The following MYO3B variants were observed in gnomAD, a reference collection of about 807,000 sequenced individuals.
MYO3B encodes the protein myosin-IIIb.
In MYO3B, 156 loss-of-function variants were observed where a neutral mutation model predicts 174.6. That is an observed-to-expected ratio of 0.89 (90% CI 0.78 to 1.02). The LOEUF (loss-of-function observed/expected upper bound fraction) is 1.02, where lower values mean the gene tolerates loss of function less well. Among genes scored for constraint, MYO3B ranks in the 50% least tolerant of loss-of-function variants. MYO3B has a pLI of 0.00. For missense variants in MYO3B, 1,632 were observed against 1,639.4 expected (o/e 1.00, Z 0.08); for synonymous variants, 563 against 569.1 (o/e 0.99, Z 0.15).
chr2:170,558,761 C>G (rs1429668761), intron 32 of MYO3B, among the ~76,000 whole-genome samples: 1 of 152,172 alleles, frequency 6.6e-6, no homozygotes, highest in Non-Finnish European at 1.5e-5. Flanking sequence ...ATACCCTTGG[C>G]AGGGTGGCAA....
intron 7 of MYO3B, among the ~76,000 whole-genome samples, chr2:170,293,070 A>G (rs1467123730): frequency 6.6e-6 from 1 of 151,892 alleles, no homozygotes; most frequent in African/African-American, 2.4e-5. Context: ...TGGAAGTCCA[A>G]CTCTTTCACT....
Position 170,381,998 on chromosome 2 carries a change from C to T in MYO3B, c.972-18C>T, listed in dbSNP as rs777200512. On this transcript the variant is annotated intron_variant, in intron 9 of 34. Coordinates refer to ENST00000408978, the MANE Select transcript of MYO3B (RefSeq NM_138995.5). ...TATTTGCTGTCTTAATGCTTAAACT[C>T]TCTTGATAAATTTCTAGGCATGAGA... 3.1e-6 allele frequency: 5 copies of T among 1,604,656 alleles called. No individual in the cohort carries two copies. Among genetic ancestry groups the T allele is most frequent in the Admixed American group, 3.3e-5 (2 of 59,912 alleles).
chr2:170,214,909 G>A, intron 5 of MYO3B, 81 bp downstream of exon 5: 1 of 1,044,406 alleles, frequency 9.6e-7, no homozygotes, highest in Non-Finnish European at 1.5e-6. Flanking sequence ...CAGAAGACTG[G>A]GGCTTCTCTG....
intron 7 of MYO3B, among the ~76,000 whole-genome samples, chr2:170,242,084 T>G (rs1228426761): frequency 6.6e-6 from 1 of 152,182 alleles, no homozygotes; most frequent in African/African-American, 2.4e-5. Context: ...GAGTGTTTAA[T>G]GGCACAGTGA....
intron 7 of MYO3B, among the ~76,000 whole-genome samples, chr2:170,286,356 A>G (rs1184302845): frequency 6.6e-6 from 1 of 152,170 alleles, no homozygotes; most frequent in Admixed American, 6.5e-5. Context: ...AATATATGTC[A>G]ATAATTCTAC....
intron 32 of MYO3B, among the ~76,000 whole-genome samples, chr2:170,554,007 C>T (rs1691110038): frequency 6.6e-6 from 1 of 152,162 alleles, no homozygotes; most frequent in Admixed American, 6.5e-5. Context: ...AATCATGCCT[C>T]CTGTACAGAT....
chr2:170,506,231 T>C (rs182252544), intron 28 of MYO3B, among the ~76,000 whole-genome samples: 1 of 152,342 alleles, frequency 6.6e-6, no homozygotes, highest in African/African-American at 2.4e-5. Context: ...AAAGCAAACA[T>C]CGTATCCAGA....
At chr2:170,405,783 A>C in intron 21 of MYO3B, 150 bp downstream of exon 21, 2 of 717,314 alleles carry the variant, frequency 2.8e-6, no homozygotes, top group South Asian at 4.5e-5. Flanking sequence ...AAAGTTTCTC[A>C]GTGGTGCCAC....
chr2:170,569,313 C>G (rs1428742260), intron 32 of MYO3B, among the ~76,000 whole-genome samples: 1 of 152,058 alleles, frequency 6.6e-6, no homozygotes, highest in Admixed American at 6.6e-5. Flanking sequence ...AAGTCTACTT[C>G]CAGCAATACT....
intron 32 of MYO3B, among the ~76,000 whole-genome samples, chr2:170,618,971 A>G (rs1470378691): frequency 6.6e-6 from 1 of 152,214 alleles, no homozygotes; most frequent in African/African-American, 2.4e-5. Flanking sequence ...GATTAGCAAG[A>G]TATTAATCAG....
intron 7 of MYO3B, among the ~76,000 whole-genome samples, chr2:170,304,757 G>A (rs997620683): frequency 1.3e-5 from 2 of 151,920 alleles, no homozygotes; most frequent in Admixed American, 1.3e-4. Flanking sequence ...ATGAGCCATC[G>A]CATCCGGCCC....
chr2:170,508,728 G>C (rs565561362), intron 28 of MYO3B, among the ~76,000 whole-genome samples: 143 of 152,288 alleles, frequency 9.4e-4, no homozygotes, highest in African/African-American at 3.3e-3. Flanking sequence ...GGAAAGAGTT[G>C]AAATACTGTC....
chr2:170,518,726 A>G (rs940559854), intron 29 of MYO3B, among the ~76,000 whole-genome samples: 12 of 152,166 alleles, frequency 7.9e-5, no homozygotes, highest in African/African-American at 2.7e-4. Flanking sequence ...TGATTCACTA[A>G]GTCCGAAGTT....
At chr2:170,385,880 A>T in intron 12 of MYO3B, 1 of 181,056 alleles carries the variant, frequency 5.5e-6, no homozygotes, top group Non-Finnish European at 1.2e-5. Flanking sequence ...TCTCCTGCAG[A>T]TGAACCTGCA....
intron 32 of MYO3B, among the ~76,000 whole-genome samples, chr2:170,583,393 G>A (rs190652672): frequency 4.5e-4 from 68 of 152,120 alleles, no homozygotes; most frequent in East Asian, 1.9e-3. Flanking sequence ...TGCCTCCACC[G>A]TTCCCTTGGC....
chr2:170,653,617 T>A lies in MYO3B; in HGVS notation c.*496T>A. 1 of 156,738 alleles carries A rather than the reference T, an allele frequency of 6.4e-6. No homozygotes were observed. Among genetic ancestry groups the A allele is most frequent in the South Asian group, 1.9e-4 (1 of 5,154 alleles). The allele number at this position is 156,738 out of a possible 1,614,324, so 9.7% of individuals were successfully genotyped here. A position where few individuals can be genotyped will look rare whatever the true frequency, so the allele number is the denominator to read the frequency against. ...CTCCCACCTCCCCCAGAGTCAGGGC[T>A]CCATTGCTGAGTGCCCCATCCTGGA... On this transcript the variant is annotated 3_prime_UTR_variant, in exon 35 of 35. Coordinates refer to ENST00000408978, the MANE Select transcript of MYO3B (RefSeq NM_138995.5).
At chr2:170,279,704 G>A (rs915625618) in intron 7 of MYO3B, among the ~76,000 whole-genome samples, 9 of 152,004 alleles carry the variant, frequency 5.9e-5, no homozygotes, top group Non-Finnish European at 1.0e-4. Flanking sequence ...CTTTATAAGC[G>A]AGAACATGCA....
chr2:170,386,918 G>A (rs967864878), intron 13 of MYO3B, among the ~76,000 whole-genome samples, 188 bp from the exon 14 acceptor site: 11 of 152,234 alleles, frequency 7.2e-5, no homozygotes, highest in African/African-American at 1.7e-4. Flanking sequence ...AGCCAAATCC[G>A]ATTCATATGC....
At chr2:170,480,293 T>G (rs946779816) in intron 25 of MYO3B, among the ~76,000 whole-genome samples, 1 of 152,096 alleles carries the variant, frequency 6.6e-6, no homozygotes, top group African/African-American at 2.4e-5. Context: ...GGTCCCATCA[T>G]ATATCACAGG....
Sources: allele counts gnomAD v4.1 joint callset (sites outside exome capture counted in the v4.1 genomes callset), GRCh38; gene constraint gnomAD v4.1.1; transcripts MANE v1.5; gene names NCBI Gene and HGNC (gene_info 2026-07-23, HGNC 2026-07-21).